TBCD: variants seen among roughly 807,000 people sequenced by gnomAD.
TBCD encodes tubulin-specific chaperone D.
Under a neutral mutation model 169.3 loss-of-function variants are expected in TBCD, and 105 were observed. The observed-to-expected ratio is 0.62, with a 90% CI of 0.53 to 0.73. The LOEUF is 0.73. Ranked by LOEUF, TBCD falls within the 30% of genes least tolerant of loss-of-function variation. TBCD has a pLI of 0.00. For synonymous variants in TBCD, 700 were observed against 643.9 expected, an observed-to-expected ratio of 1.09 and a Z score of -1.32; for missense variants, 1,444 against 1,600.1, an observed-to-expected ratio of 0.90 and a Z score of 1.66.
chr17:82,904,127 C>T (rs1249159026), intron 19 of TBCD, among the ~76,000 whole-genome samples: 1 of 150,420 alleles, frequency 6.6e-6, no homozygotes, highest in African/African-American at 2.5e-5. Context: ...TGGCATGCAC[C>T]TGCCACACGA....
intron 11 of TBCD, among the ~76,000 whole-genome samples, chr17:82,809,336 G>A (rs1377029597): frequency 1.3e-5 from 2 of 152,148 alleles, no homozygotes; most frequent in Non-Finnish European, 2.9e-5. Flanking sequence ...CACAGTCAGC[G>A]TTTGGGGTGG....
chr17:82,937,938 CT>C, intron 35 of TBCD, 110 bp from the exon 36 acceptor site: 1 of 1,547,118 alleles, frequency 6.5e-7, no homozygotes. Flanking sequence ...CCGCACTGTG[CT>C]CACGGATCTG....
At chr17:82,888,380 T>A (rs2058898223) in intron 15 of TBCD, among the ~76,000 whole-genome samples, 1 of 152,262 alleles carries the variant, frequency 6.6e-6, no homozygotes, top group African/African-American at 2.4e-5. Context: ...TCCACATAAA[T>A]CTTGAATTTT....
chr17:82,775,534 C>G (rs1031293933), intron 6 of TBCD, among the ~76,000 whole-genome samples: 2 of 152,094 alleles, frequency 1.3e-5, no homozygotes, highest in Admixed American at 1.3e-4. Context: ...GCAGCCTGCT[C>G]TAGCCCACTT....
intron 1 of TBCD, among the ~76,000 whole-genome samples, chr17:82,753,691 T>A (rs1412956262): frequency 2.0e-5 from 3 of 151,106 alleles, no homozygotes; most frequent in Non-Finnish European, 4.4e-5. Context: ...TGACCTCAAG[T>A]GGTCGCCCGA....
intron 13 of TBCD, among the ~76,000 whole-genome samples, chr17:82,819,783 T>C (rs1049809384): frequency 6.6e-6 from 1 of 152,164 alleles, no homozygotes; most frequent in African/African-American, 2.4e-5. Flanking sequence ...TTCCAGGACT[T>C]TTCTTGAGTG....
At chr17:82,932,322 G>A (rs2062275721) in intron 33 of TBCD, among the ~76,000 whole-genome samples, 1 of 152,218 alleles carries the variant, frequency 6.6e-6, no homozygotes, top group Non-Finnish European at 1.5e-5. Flanking sequence ...TGCTGGGAGG[G>A]CTCCCCTCTC....
intron 13 of TBCD, among the ~76,000 whole-genome samples, chr17:82,860,767 C>T (rs563930397): frequency 2.0e-5 from 3 of 152,328 alleles, no homozygotes; most frequent in South Asian, 2.1e-4. Context: ...TTTCATCGCC[C>T]GTGTCCGGGC....
At chr17:82,798,699 A>G (rs761292441) in intron 8 of TBCD, among the ~76,000 whole-genome samples, 1 of 152,178 alleles carries the variant, frequency 6.6e-6, no homozygotes, top group Non-Finnish European at 1.5e-5. Flanking sequence ...AGGAGCAGCC[A>G]TGTTCCTCTG....
chr17:82,877,868 CT>C (rs1230546176), intron 14 of TBCD, among the ~76,000 whole-genome samples: 1 of 152,162 alleles, frequency 6.6e-6, no homozygotes, highest in Non-Finnish European at 1.5e-5. Context: ...AAATGGAGTG[CT>C]TTTCTGTTCA....
chr17:82,784,167 A>G (rs886887267), intron 7 of TBCD, among the ~76,000 whole-genome samples: 4 of 152,172 alleles, frequency 2.6e-5, no homozygotes, highest in Non-Finnish European at 4.4e-5. Flanking sequence ...TACTTTCAGT[A>G]CCCTTGGGTA....
chr17:82,939,535 C>T, intron 37 of TBCD, 59 bp downstream of exon 37: 1 of 1,345,154 alleles, frequency 7.4e-7, no homozygotes, highest in East Asian at 2.4e-5. Context: ...TCTTCCTGTC[C>T]CCACCGTGTC....
chr17:82,923,718 G>A lies in TBCD; in HGVS notation c.2245G>A (p.Asp749Asn), dbSNP rs1440966994. ...EYYMKEPGEA[D>N]PAIQEELITQ... ...TTACATGAAGGAGCCGGGGGAGGCAGATCCCGCAATTCAGGGTGAGTGGGG... is the reference window on the plus strand; with the variant it reads ...TTACATGAAGGAGCCGGGGGAGGCAAATCCCGCAATTCAGGGTGAGTGGGG... The change falls in exon 26 of 39, where the codon GAT becomes AAT. Residue 749 changes from aspartate to asparagine, a missense_variant. Transcript: ENST00000355528. The surrounding 1 kb of genome is among the most constrained non-coding windows in gnomAD (Gnocchi z 4.6). 1 of 1,599,546 alleles carries A rather than the reference G, an allele frequency of 6.3e-7. No homozygotes were observed.
At chr17:82,829,992 GTTT>G (rs893095395) in intron 13 of TBCD, 1 of 1,253,262 alleles carries the variant, frequency 8.0e-7, no homozygotes, top group Non-Finnish European at 1.1e-6. Flanking sequence ...GAATTGGAGG[GTTT>G]TTTGTTTGTT....
chr17:82,846,655 C>T (rs553554498), intron 13 of TBCD, among the ~76,000 whole-genome samples: 178 of 152,318 alleles, frequency 1.2e-3, no homozygotes, highest in Non-Finnish European at 1.7e-3. Flanking sequence ...GTCTGGAAGC[C>T]GCCAGCCAGG....
At chr17:82,852,044 C>A (rs535644279) in intron 13 of TBCD, among the ~76,000 whole-genome samples, 1 of 152,296 alleles carries the variant, frequency 6.6e-6, no homozygotes, top group Non-Finnish European at 1.5e-5. Flanking sequence ...GTGTACAGTT[C>A]AGTGGCTTGT....
At chr17:82,926,346 G>C in intron 27 of TBCD, 54 bp from the exon 28 acceptor site, 1 of 1,562,466 alleles carries the variant, frequency 6.4e-7, no homozygotes, top group South Asian at 1.1e-5. Context: ...CCTCCCTAAA[G>C]AGTGCACTTT....
rs1226057507 is a variant in TBCD at position 82,927,955 on chromosome 17, C to T, written c.2660C>T (p.Ala887Val). The change falls in exon 30 of 39, where the codon GCT (alanine) becomes GTT (valine). Residue 887 changes from alanine to valine, a missense_variant. Ala to Val is a moderately conservative substitution (Grantham distance 64, BLOSUM62 0). Transcript: ENST00000355528. ...TSLMDLTLLLARSQPELIEAH... is the reference protein window; with the variant it reads ...TSLMDLTLLLVRSQPELIEAH... The stretch of plus-strand genomic sequence containing the variant: ...CTGATGGATCTGACACTTCTGCTGG[C>T]TCGGAGCCAGCCTGAGCTGATCGAG... 3.7e-6 allele frequency: 6 copies of T among 1,613,016 alleles called. No individual in the cohort carries two copies. The highest frequency in any genetic ancestry group is 5.1e-6 in the Non-Finnish European group (6 of 1,179,804).
chr17:82,914,072 C>G (rs1170049870), intron 23 of TBCD: 1 of 152,400 alleles, frequency 6.6e-6, no homozygotes, highest in Non-Finnish European at 1.5e-5. Flanking sequence ...CCTGTCCTGT[C>G]CCTTCCTCAC....
Sources: allele counts gnomAD v4.1 joint callset (sites outside exome capture counted in the v4.1 genomes callset), GRCh38; gene constraint gnomAD v4.1.1; non-coding constraint Gnocchi (gnomAD v3.1); transcripts MANE v1.5; gene names NCBI Gene and HGNC (gene_info 2026-07-23, HGNC 2026-07-21).